The following GPATCH8 variants were observed in gnomAD, a reference collection of about 807,000 sequenced individuals.
The protein encoded by GPATCH8 is G patch domain-containing protein 8.
A neutral mutation model predicts 118.3 loss-of-function variants in GPATCH8; 18 were observed. That is an observed-to-expected ratio of 0.15 (90% CI 0.11 to 0.23). The LOEUF (loss-of-function observed/expected upper bound fraction) is 0.23. Among genes scored for constraint, GPATCH8 ranks in the 10% least tolerant of loss-of-function variants. The pLI is 1.00. For synonymous variants in GPATCH8, 659 were observed against 684.7 expected, an observed-to-expected ratio of 0.96 and a Z score of 0.59; for missense variants, 1,631 against 1,873.8, an observed-to-expected ratio of 0.87 and a Z score of 2.39.
At chr17:44,483,825 T>TTTGTTGTTGTTGTTGTTG (rs55703241) in intron 1 of GPATCH8, among the ~76,000 whole-genome samples, 12 of 149,112 alleles carry the variant, frequency 8.0e-5, no homozygotes, top group Admixed American at 4.7e-4. Context: ...TTTGGTTGTT[T>TTTGTTGTTGTTGTTGTTG]TTGTTGTTGT....
chr17:44,399,148 T>G lies in GPATCH8; in HGVS notation c.2929A>C (p.Thr977Pro), dbSNP rs1051468818. 1.2e-6 allele frequency: 2 copies of G among 1,608,272 alleles called. No homozygotes were observed. The highest frequency in any genetic ancestry group is 1.7e-6 in the Non-Finnish European group (2 of 1,174,914). Residue 977 changes from threonine (T) to proline (P), a missense_variant, in exon 8 of 8, where the codon ACC becomes CCC. Physicochemically the swap from Thr to Pro is conservative, Grantham distance 38 (BLOSUM62 -1). Around this residue, in one of 8 missense-constraint regions of GPATCH8, gnomAD observed 922 missense variants for 879.7 expected, o/e 1.05. Transcript: ENST00000591680. ...RSRSKRRSRS[T>P]TAHSWQRSRS... ...CTCCGTTGCCAGCTGTGGGCTGTGG[T>G]GCTACGGCTTCTCCGCTTGCTTCGA...
chr17:44,475,224 C>T (rs1010459984), intron 1 of GPATCH8, among the ~76,000 whole-genome samples: 5 of 150,564 alleles, frequency 3.3e-5, no homozygotes, highest in Admixed American at 2.0e-4. Flanking sequence ...ACTAAAATTA[C>T]AAAAAATTAG....
chr17:44,443,392 A>T lies in GPATCH8; in HGVS notation c.194-6847T>A, dbSNP rs150936037. ...TTTTTGCAAATTTCTCCTGAAAATG[A>T]GTCTTTAGGTGGCATAGAAACAATT... On this transcript the variant is annotated intron_variant, in intron 3 of 7. Transcript: ENST00000591680. Among the ~76,000 whole-genome samples the T allele has an allele frequency of 3.0e-4, 45 of 152,306 alleles. No homozygotes were observed. The East Asian group carries it at 6.4e-3, about 22-fold the overall frequency.
At chr17:44,473,198 G>C (rs189512390) in intron 2 of GPATCH8, 12 of 148,152 alleles carry the variant, frequency 8.1e-5, no homozygotes, top group Non-Finnish European at 1.2e-4. Flanking sequence ...GCAGAGGCAC[G>C]ATCTTGGCTC....
chr17:44,444,028 T>A (rs2144111093), intron 3 of GPATCH8, among the ~76,000 whole-genome samples: 1 of 152,276 alleles, frequency 6.6e-6, no homozygotes, highest in African/African-American at 2.4e-5. Flanking sequence ...AATTATGACC[T>A]AAACGAATTT....
intron 6 of GPATCH8, among the ~76,000 whole-genome samples, chr17:44,422,406 T>C (rs2049940502): frequency 6.6e-6 from 1 of 151,898 alleles, no homozygotes; most frequent in Admixed American, 6.6e-5. Flanking sequence ...CTCAGGGTGG[T>C]CTCGAACTCC....
chr17:44,452,491 G>A (rs963170088), intron 3 of GPATCH8, among the ~76,000 whole-genome samples: 8 of 152,042 alleles, frequency 5.3e-5, no homozygotes, highest in Non-Finnish European at 7.4e-5. Context: ...TCAAACATGT[G>A]CATAAACTGA....
intron 3 of GPATCH8, among the ~76,000 whole-genome samples, chr17:44,461,062 A>C (rs979844341): frequency 6.6e-6 from 1 of 152,256 alleles, no homozygotes; most frequent in Admixed American, 6.5e-5. Flanking sequence ...CTAATCATTT[A>C]AAACAGATGG....
intron 3 of GPATCH8, among the ~76,000 whole-genome samples, chr17:44,448,525 G>A (rs2050979310): frequency 8.9e-6 from 1 of 112,400 alleles, no homozygotes. Context: ...GAAGAAGGAG[G>A]AAGAAGAAGA....
At chr17:44,478,860 T>C (rs1389475687) in intron 1 of GPATCH8, among the ~76,000 whole-genome samples, 1 of 152,006 alleles carries the variant, frequency 6.6e-6, no homozygotes, top group Non-Finnish European at 1.5e-5. Flanking sequence ...CACCTCAGCC[T>C]CCCAAGTAGC....
intron 2 of GPATCH8, chr17:44,465,709 A>G (rs1358551992): frequency 1.3e-5 from 2 of 152,224 alleles, no homozygotes; most frequent in African/African-American, 2.4e-5. Context: ...TCATTTGAAA[A>G]TCCCATATTT....
At chr17:44,434,036 A>G (rs1046003948) in intron 5 of GPATCH8, among the ~76,000 whole-genome samples, 1 of 151,932 alleles carries the variant, frequency 6.6e-6, no homozygotes, top group Non-Finnish European at 1.5e-5. Context: ...AGCTACTCGG[A>G]GGCTAAGGCA....
chr17:44,448,559 G>A (rs1352710486), intron 3 of GPATCH8, among the ~76,000 whole-genome samples: 1 of 99,660 alleles, frequency 1.0e-5, no homozygotes, highest in Non-Finnish European at 2.2e-5. Flanking sequence ...GGAAGAGGAA[G>A]AAGAAGAGGA....
At chr17:44,433,928 AAG>A (rs2050407806) in intron 5 of GPATCH8, among the ~76,000 whole-genome samples, 1 of 151,866 alleles carries the variant, frequency 6.6e-6, no homozygotes, top group Non-Finnish European at 1.5e-5. Flanking sequence ...CACGTGAGGT[AAG>A]GAGTTCGAGA....
At chr17:44,417,343 C>T (rs115705125) in intron 6 of GPATCH8, among the ~76,000 whole-genome samples, 3,023 of 152,248 alleles carry the variant, frequency 0.02, 107 homozygotes, top group African/African-American at 0.069. Context: ...GCCCCTCTAG[C>T]AGCTGGGACC....
intron 3 of GPATCH8, among the ~76,000 whole-genome samples, chr17:44,458,624 G>A (rs1395480406): frequency 3.9e-5 from 6 of 151,998 alleles, no homozygotes; most frequent in Non-Finnish European, 8.8e-5. Flanking sequence ...TGGAGTCAAG[G>A]GATCCTCCTG....
At chr17:44,464,566 C>G in intron 2 of GPATCH8, 22 bp from the exon 3 acceptor site, 1 of 1,384,552 alleles carries the variant, frequency 7.2e-7, no homozygotes, top group Non-Finnish European at 1.0e-6. Context: ...AACAGAGAGA[C>G]AAACCAAAAA....
intron 1 of GPATCH8, among the ~76,000 whole-genome samples, chr17:44,481,469 A>G (rs574752142): frequency 2.6e-5 from 4 of 152,348 alleles, no homozygotes; most frequent in East Asian, 1.9e-4. Flanking sequence ...AAGAAGCCAT[A>G]CTCAAAAGGC....
chr17:44,404,299 G>A (rs577855618), intron 7 of GPATCH8, among the ~76,000 whole-genome samples: 7 of 151,932 alleles, frequency 4.6e-5, no homozygotes, highest in South Asian at 2.1e-4. Context: ...CACCATGCCC[G>A]GCTAATTTTT....
Sources: gnomAD v4.1 joint callset for allele counts (sites outside exome capture counted in the v4.1 genomes callset) on GRCh38, gnomAD v4.1.1 for gene constraint, gnomAD v4.1.1 regional missense constraint, MANE v1.5 for transcripts, NCBI Gene and HGNC (gene_info 2026-07-23, HGNC 2026-07-21) for gene names.